The following SLC24A3 variants were observed in gnomAD, a reference collection of about 807,000 sequenced individuals.
SLC24A3 encodes the protein sodium/potassium/calcium exchanger 3.
SLC24A3 carries 28 observed loss-of-function variants against 75.8 expected under a neutral mutation model. The observed-to-expected ratio is 0.37, with a 90% CI of 0.27 to 0.51. The LOEUF is 0.51. SLC24A3 is among the 20% of genes least tolerant of loss of function. The probability of loss-of-function intolerance (pLI) is 0.94; values close to 1 mark genes in which losing one functional copy is unlikely to be tolerated. For missense variants in SLC24A3, 663 were observed against 847.8 expected (o/e 0.78, Z 2.71); for synonymous variants, 372 against 334.1 (o/e 1.11, Z -1.24).
Position 19,586,464 on chromosome 20 carries a change from G to A in SLC24A3, c.612+920G>A, listed in dbSNP as rs547085840. Among the ~76,000 whole-genome samples, 60 of 152,228 alleles carry A rather than the reference G, an allele frequency of 3.9e-4. No homozygotes were observed. The South Asian group carries it at 9.1e-3, about 23-fold the overall frequency. On this transcript the variant is annotated intron_variant, in intron 6 of 16. Coordinates refer to ENST00000328041, the MANE Select transcript of SLC24A3 (RefSeq NM_020689.4). ...GATCAGCAGCCTTGATATGAACAGT[G>A]CACTGTTCTCCTAGAAGTGGCTGAT...
intron 2 of SLC24A3, among the ~76,000 whole-genome samples, chr20:19,303,162 C>G (rs568779987): frequency 2.0e-5 from 3 of 152,196 alleles, no homozygotes; most frequent in African/African-American, 7.2e-5. Flanking sequence ...TCCTCTCCTC[C>G]CACTCTCCAC....
intron 7 of SLC24A3, among the ~76,000 whole-genome samples, chr20:19,655,571 AGAG>A (rs568494464): frequency 6.6e-6 from 1 of 152,148 alleles, no homozygotes; most frequent in Non-Finnish European, 1.5e-5. Context: ...AGTGCTTTTC[AGAG>A]GAGATCAGCG....
chr20:19,394,945 A>C (rs1986427614), intron 2 of SLC24A3, among the ~76,000 whole-genome samples: 2 of 152,256 alleles, frequency 1.3e-5, no homozygotes, highest in Admixed American at 6.5e-5. Context: ...TATTTACAGC[A>C]GTCAAAATGT....
At chr20:19,702,746 T>G (rs144492468) in intron 15 of SLC24A3, among the ~76,000 whole-genome samples, 165 of 152,328 alleles carry the variant, frequency 1.1e-3, no homozygotes, top group Non-Finnish European at 1.6e-3. Flanking sequence ...GTCAAGGAGA[T>G]TCCATTTGAT....
At chr20:19,399,362 C>A (rs997088521) in intron 2 of SLC24A3, among the ~76,000 whole-genome samples, 1 of 151,948 alleles carries the variant, frequency 6.6e-6, no homozygotes, top group Admixed American at 6.6e-5. Context: ...GATTTGAAAC[C>A]TTTCTTCTTT....
chr20:19,495,980 A>G (rs6106087), intron 2 of SLC24A3, among the ~76,000 whole-genome samples: 17,312 of 152,070 alleles, frequency 0.11, 1,057 homozygotes, highest in Middle Eastern at 0.13. Context: ...TTTTTTAAAA[A>G]CAATGTGACA....
intron 2 of SLC24A3, among the ~76,000 whole-genome samples, chr20:19,425,173 T>C (rs1986984722): frequency 6.6e-6 from 1 of 151,950 alleles, no homozygotes; most frequent in Non-Finnish European, 1.5e-5. Context: ...CATGGTGGTG[T>C]GCACCTGTAA....
At chr20:19,490,855 C>T (rs1214487660) in intron 2 of SLC24A3, among the ~76,000 whole-genome samples, 1 of 152,126 alleles carries the variant, frequency 6.6e-6, no homozygotes, top group African/African-American at 2.4e-5. Flanking sequence ...CATCTGTAGC[C>T]CTTGCATGGA....
intron 2 of SLC24A3, among the ~76,000 whole-genome samples, chr20:19,344,484 A>G (rs1985344037): frequency 1.3e-5 from 2 of 152,202 alleles, no homozygotes; most frequent in South Asian, 4.1e-4. Context: ...GGTAGTTGCA[A>G]GAGGCACTGG....
Position 19,213,688 on chromosome 20 carries a change from G to A in SLC24A3, c.142+704G>A, listed in dbSNP as rs192342595. ...TCACACTGTCCGCTCCTCTACCGGT[G>A]CTCTGCGCAAAGTCTGCCCTTTAAC... On this transcript the variant is annotated intron_variant, in intron 1 of 16. Transcript: ENST00000328041. Among the ~76,000 whole-genome samples, 366 of 152,344 alleles carry A rather than the reference G, an allele frequency of 2.4e-3. 6 individuals are homozygous for A. Among genetic ancestry groups the A allele is most frequent in the Admixed American group, 0.02 (306 of 15,312 alleles).
At chr20:19,348,657 A>G (rs1347119721) in intron 2 of SLC24A3, among the ~76,000 whole-genome samples, 2 of 152,032 alleles carry the variant, frequency 1.3e-5, no homozygotes, top group African/African-American at 4.8e-5. Flanking sequence ...GGCCTCTCAA[A>G]TGGCAGAGCT....
At chr20:19,555,647 C>G (rs1395907825) in intron 3 of SLC24A3, among the ~76,000 whole-genome samples, 1 of 152,122 alleles carries the variant, frequency 6.6e-6, no homozygotes, top group African/African-American at 2.4e-5. Context: ...ACCTCAGTTT[C>G]TTGATTTGAA....
At chr20:19,655,560 G>A (rs1044418635) in intron 7 of SLC24A3, among the ~76,000 whole-genome samples, 1 of 152,158 alleles carries the variant, frequency 6.6e-6, no homozygotes, top group Non-Finnish European at 1.5e-5. Flanking sequence ...CTGTCTGTGA[G>A]AGTGCTTTTC....
At chr20:19,449,875 A>G (rs1987451950) in intron 2 of SLC24A3, among the ~76,000 whole-genome samples, 1 of 152,228 alleles carries the variant, frequency 6.6e-6, no homozygotes, top group Non-Finnish European at 1.5e-5. Context: ...CAAACTTTTT[A>G]GAAAGGAGCA....
chr20:19,414,888 G>T (rs141573102), intron 2 of SLC24A3, among the ~76,000 whole-genome samples: 4 of 151,978 alleles, frequency 2.6e-5, no homozygotes, highest in African/African-American at 4.8e-5. Flanking sequence ...AAAACCTAAG[G>T]CCAATTATAA....
intron 6 of SLC24A3, among the ~76,000 whole-genome samples, chr20:19,620,421 G>A (rs2031788722): frequency 6.6e-6 from 1 of 152,278 alleles, no homozygotes; most frequent in Middle Eastern, 3.4e-3. Context: ...TCTGCAAGGA[G>A]AAACATTACA....
chr20:19,665,916 T>G (rs1162382631), intron 8 of SLC24A3, 27 bp downstream of exon 8: 1 of 1,610,370 alleles, frequency 6.2e-7, no homozygotes, highest in Non-Finnish European at 8.5e-7. Flanking sequence ...CCCCTTCTCA[T>G]TTCTGAATGT....
chr20:19,718,505 C>T (rs1466937688), intron 16 of SLC24A3, among the ~76,000 whole-genome samples: 1 of 152,176 alleles, frequency 6.6e-6, no homozygotes, highest in Non-Finnish European at 1.5e-5. Flanking sequence ...CTAAGATCAA[C>T]CTATTATACA....
intron 2 of SLC24A3, among the ~76,000 whole-genome samples, chr20:19,330,240 C>T (rs1423287872): frequency 6.6e-6 from 1 of 152,246 alleles, no homozygotes; most frequent in African/African-American, 2.4e-5. Context: ...ATCGGTGGGT[C>T]TGGACCTGCT....
Sources: allele counts gnomAD v4.1 joint callset (sites outside exome capture counted in the v4.1 genomes callset), GRCh38; gene constraint gnomAD v4.1.1; transcripts MANE v1.5; gene names NCBI Gene and HGNC (gene_info 2026-07-23, HGNC 2026-07-21).